MB21D2: variants seen among roughly 807,000 people sequenced by gnomAD.
The protein encoded by MB21D2 is nucleotidyltransferase MB21D2.
In MB21D2, 9 loss-of-function variants were observed where a neutral mutation model predicts 33.3. The ratio of observed to expected loss-of-function variants is 0.27; its 90% CI spans 0.16 to 0.47. The LOEUF (loss-of-function observed/expected upper bound fraction) is 0.47. Among genes scored for constraint, MB21D2 ranks in the 20% least tolerant of loss-of-function variants. The pLI, the probability that MB21D2 is intolerant of heterozygous loss-of-function variation, is 0.99. For missense variants in MB21D2, 540 were observed against 624.6 expected, an observed-to-expected ratio of 0.86 and a Z score of 1.44; for synonymous variants, 241 against 236.3, an observed-to-expected ratio of 1.02 and a Z score of -0.18.
At chr3:192,900,022 C>T (rs1040883632) in intron 1 of MB21D2, among the ~76,000 whole-genome samples, 23 of 152,196 alleles carry the variant, frequency 1.5e-4, no homozygotes, top group African/African-American at 4.8e-4. Context: ...CAGTGGCTCA[C>T]GCCTGTAATC....
chr3:192,821,223 A>G (rs1277178447), intron 1 of MB21D2, among the ~76,000 whole-genome samples: 1 of 152,178 alleles, frequency 6.6e-6, no homozygotes, highest in Non-Finnish European at 1.5e-5. Context: ...ATTGTTATTA[A>G]TCTTTATAAT....
At position 192,798,309 on chromosome 3, in the gene MB21D2, A is replaced by C; in HGVS notation, c.*77T>G. On this transcript the variant is annotated 3_prime_UTR_variant, in exon 2 of 2. Transcript: ENST00000392452. The surrounding 1 kb of genome is among the most constrained non-coding windows in gnomAD (Gnocchi z 4.8). ...CCAATCTAGGCTGGATATGTAAAAA[A>C]CAGAAAGATAGCATCACAAACCACA... 1.3e-6 allele frequency: 2 copies of C among 1,496,556 alleles called. No individual in the cohort carries two copies. The highest frequency in any genetic ancestry group is 1.8e-6 in the Non-Finnish European group (2 of 1,104,362). 92.7% of individuals were successfully genotyped at this position (1,496,556 alleles called of 1,614,324 possible).
intron 1 of MB21D2, among the ~76,000 whole-genome samples, chr3:192,837,952 A>T (rs1277704066): frequency 6.6e-6 from 1 of 152,166 alleles, no homozygotes; most frequent in Non-Finnish European, 1.5e-5. Flanking sequence ...AACACCCCCA[A>T]ACTTAGGGAT....
intron 1 of MB21D2, among the ~76,000 whole-genome samples, chr3:192,898,003 T>C (rs1038617407): frequency 1.1e-4 from 16 of 152,040 alleles, no homozygotes; most frequent in African/African-American, 3.9e-4. Context: ...TACTAATAGC[T>C]GGTTCCTGAC....
At chr3:192,844,472 T>C (rs1712640502) in intron 1 of MB21D2, among the ~76,000 whole-genome samples, 1 of 152,178 alleles carries the variant, frequency 6.6e-6, no homozygotes, top group African/African-American at 2.4e-5. Flanking sequence ...CTGTGCTCTT[T>C]AGCTTCCCCT....
chr3:192,860,163 G>A (rs57896542), intron 1 of MB21D2, among the ~76,000 whole-genome samples: 45,688 of 151,946 alleles, frequency 0.3, 7,515 homozygotes, highest in East Asian at 0.57. Context: ...CCACATGGCC[G>A]AGTAGTTTTC....
At chr3:192,896,523 T>A (rs1226282300) in intron 1 of MB21D2, among the ~76,000 whole-genome samples, 3 of 152,128 alleles carry the variant, frequency 2.0e-5, no homozygotes, top group Non-Finnish European at 4.4e-5. Context: ...CAACTTTCCT[T>A]CATATTTACT....
At chr3:192,858,019 G>C (rs934066030) in intron 1 of MB21D2, among the ~76,000 whole-genome samples, 1 of 152,136 alleles carries the variant, frequency 6.6e-6, no homozygotes, top group Non-Finnish European at 1.5e-5. Flanking sequence ...CAGCTACCGG[G>C]GAGGCTGAGG....
intron 1 of MB21D2, among the ~76,000 whole-genome samples, chr3:192,804,171 A>G (rs1275176984): frequency 2.0e-5 from 3 of 152,212 alleles, no homozygotes; most frequent in African/African-American, 7.2e-5. Flanking sequence ...TAGAATATCA[A>G]GTGAAAAATG....
intron 1 of MB21D2, among the ~76,000 whole-genome samples, chr3:192,849,342 G>A (rs1409116620): frequency 7.2e-6 from 1 of 139,694 alleles, no homozygotes; most frequent in Admixed American, 7.0e-5. Flanking sequence ...GGTGGGGGTG[G>A]AGTCTCGCTC....
chr3:192,879,380 G>A (rs1297610593), intron 1 of MB21D2, among the ~76,000 whole-genome samples: 1 of 152,252 alleles, frequency 6.6e-6, no homozygotes, highest in African/African-American at 2.4e-5. Context: ...GAGAGACAGA[G>A]AGGCAGGGTC....
At chr3:192,884,642 C>A (rs955224067) in intron 1 of MB21D2, among the ~76,000 whole-genome samples, 1 of 152,070 alleles carries the variant, frequency 6.6e-6, no homozygotes, top group Non-Finnish European at 1.5e-5. Flanking sequence ...GCTGGCATTA[C>A]AGGCGTGAGC....
intron 1 of MB21D2, among the ~76,000 whole-genome samples, chr3:192,833,041 CT>C (rs397728123): frequency 1.3e-3 from 184 of 145,794 alleles, no homozygotes; most frequent in East Asian, 6.6e-3. Context: ...TCCTTTAGAC[CT>C]TTTTTTTTTT....
At chr3:192,887,392 T>C (rs556651927) in intron 1 of MB21D2, among the ~76,000 whole-genome samples, 13 of 152,252 alleles carry the variant, frequency 8.5e-5, no homozygotes, top group Middle Eastern at 3.4e-3. Flanking sequence ...TTTTACAAGA[T>C]GAAAAGAGTT....
intron 1 of MB21D2, among the ~76,000 whole-genome samples, chr3:192,816,271 G>C (rs762679442): frequency 6.6e-6 from 1 of 151,960 alleles, no homozygotes; most frequent in African/African-American, 2.4e-5. Flanking sequence ...AAGGACTCAG[G>C]TGTGCTACGA....
chr3:192,799,288 T>TA lies in MB21D2; in HGVS notation c.573dup (p.Ile192TyrfsTer38), dbSNP rs2108607417. 2 of 1,614,232 alleles carry TA rather than the reference T, an allele frequency of 1.2e-6. No homozygotes were observed. Among genetic ancestry groups the TA allele is most frequent in the Non-Finnish European group, 1.7e-6 (2 of 1,180,036 alleles). Reference sequence around the variant, plus strand: ...TGTATTTCTGATAGGACAATGCTGATAGAGTCATAGAACCAGTCAGCCACT... The same window carrying TA: ...TGTATTTCTGATAGGACAATGCTGATAAGAGTCATAGAACCAGTCAGCCACT... On this transcript the variant is annotated frameshift_variant, in exon 2 of 2. Coordinates refer to ENST00000392452, the MANE Select transcript of MB21D2 (RefSeq NM_178496.4). LOFTEE classifies it high-confidence loss of function. The surrounding 1 kb of genome is among the most constrained non-coding windows in gnomAD (Gnocchi z 4.1).
At chr3:192,852,833 C>G (rs1021167496) in intron 1 of MB21D2, among the ~76,000 whole-genome samples, 2 of 152,146 alleles carry the variant, frequency 1.3e-5, no homozygotes, top group African/African-American at 4.8e-5. Flanking sequence ...ACCAAGATGC[C>G]CATCATCCTC....
chr3:192,880,738 T>G (rs893533677), intron 1 of MB21D2, among the ~76,000 whole-genome samples: 3 of 152,136 alleles, frequency 2.0e-5, no homozygotes, highest in Admixed American at 1.3e-4. Flanking sequence ...ATCTCTGCAG[T>G]TAGCACATCC....
intron 1 of MB21D2, among the ~76,000 whole-genome samples, chr3:192,834,421 CAAAA>C (rs35712980): frequency 3.0e-4 from 38 of 127,094 alleles, no homozygotes; most frequent in Non-Finnish European, 3.6e-4. Context: ...CCAGTTATAT[CAAAA>C]AAAAAAAAAA....
Sources: allele counts gnomAD v4.1 joint callset (sites outside exome capture counted in the v4.1 genomes callset), GRCh38; gene constraint gnomAD v4.1.1; non-coding constraint Gnocchi (gnomAD v3.1); transcripts MANE v1.5; gene names NCBI Gene and HGNC (gene_info 2026-07-23, HGNC 2026-07-21).